Variants in AIM2 observed in about 807,000 individuals in gnomAD.
AIM2 encodes interferon-inducible protein AIM2.
Under a neutral mutation model 27.7 loss-of-function variants are expected in AIM2, and 30 were observed. The ratio of observed to expected loss-of-function variants is 1.08; its 90% CI spans 0.81 to 1.47. The LOEUF (loss-of-function observed/expected upper bound fraction) is 1.47, where lower values mean the gene tolerates loss of function less well. Among genes scored for constraint, AIM2 ranks in the 40% most tolerant of loss-of-function variants. AIM2 has a pLI of 0.00. For synonymous variants in AIM2, 141 were observed against 145.3 expected, an observed-to-expected ratio of 0.97 and a Z score of 0.21; for missense variants, 358 against 411.3, an observed-to-expected ratio of 0.87 and a Z score of 1.12.
intron 1 of AIM2, among the ~76,000 whole-genome samples, chr1:159,133,132 A>T (rs1054513196): frequency 1.3e-5 from 2 of 152,158 alleles, no homozygotes; most frequent in Non-Finnish European, 2.9e-5. Context: ...CCCCTATCAC[A>T]TTCCCAAAAA....
intron 1 of AIM2, among the ~76,000 whole-genome samples, chr1:159,076,242 C>T (rs1213578304): frequency 6.6e-6 from 1 of 152,158 alleles, no homozygotes; most frequent in African/African-American, 2.4e-5. Flanking sequence ...ATAACAATCA[C>T]ATTTTAATCA....
At chr1:159,145,680 A>C (rs1648188138) in intron 1 of AIM2, among the ~76,000 whole-genome samples, 1 of 152,194 alleles carries the variant, frequency 6.6e-6, no homozygotes, top group South Asian at 2.1e-4. Flanking sequence ...AGGGCTAGTC[A>C]AGGTCACAAG....
At chr1:159,102,004 C>T (rs923750983) in intron 1 of AIM2, among the ~76,000 whole-genome samples, 4 of 150,286 alleles carry the variant, frequency 2.7e-5, no homozygotes, top group African/African-American at 9.8e-5. Context: ...AAAATGTCTC[C>T]AGGGCATGTC....
chr1:159,075,870 T>C (rs765431075), intron 1 of AIM2, among the ~76,000 whole-genome samples: 4 of 152,134 alleles, frequency 2.6e-5, no homozygotes, highest in Admixed American at 2.0e-4. Context: ...AAATAACTGA[T>C]TGTGAATTTT....
At chr1:159,095,738 T>C (rs910847386) in intron 1 of AIM2, among the ~76,000 whole-genome samples, 3 of 152,220 alleles carry the variant, frequency 2.0e-5, no homozygotes, top group Non-Finnish European at 4.4e-5. Flanking sequence ...TAGAAGTATT[T>C]AACATTTTAG....
At chr1:159,117,361 C>T (rs967072115) in intron 1 of AIM2, among the ~76,000 whole-genome samples, 4 of 151,958 alleles carry the variant, frequency 2.6e-5, no homozygotes, top group African/African-American at 9.7e-5. Flanking sequence ...GTATAGTTAA[C>T]CTTAAGGAAG....
rs758640102 is a variant in AIM2, at chr1:159,068,587, T to G, written c.377A>C (p.Lys126Thr). ...NDVAKQRAAP[K>T]VSPHVKPEQK... is the part of the protein sequence containing the mutation. ...TCCTACCTTAACATGAGGAGAGACT[T>G]TTGGTGCAGCACGTTGCTTTGCGAC... The change falls in exon 3 of 6, where the codon AAA becomes ACA. Residue 126 changes from lysine to threonine, a missense_variant. By Grantham distance (78) the Lys-to-Thr change is moderately conservative (BLOSUM62 -1). Transcript: ENST00000368130. 2 of 1,612,802 alleles carry G rather than the reference T, an allele frequency of 1.2e-6. No homozygotes were observed. Among genetic ancestry groups the G allele is most frequent in the East Asian group, 4.5e-5 (2 of 44,808 alleles).
the AIM2 span, among the ~76,000 whole-genome samples, chr1:159,056,717 C>CAAAAAAAAAAAAAAAAA: frequency 2.3e-5 from 1 of 44,184 alleles, no homozygotes; most frequent in African/African-American, 7.9e-5. Context: ...GCCCAACCGG[C>CAAAAAAAAAAAAAAAAA]AAAAAAAAAA....
At chr1:159,115,507 C>T (rs986689366) in intron 1 of AIM2, among the ~76,000 whole-genome samples, 4 of 152,134 alleles carry the variant, frequency 2.6e-5, no homozygotes, top group South Asian at 2.1e-4. Context: ...TGGAACAGAA[C>T]ACAGCCCTCA....
chr1:159,138,583 C>T (rs1225939127), intron 1 of AIM2, among the ~76,000 whole-genome samples: 6 of 152,174 alleles, frequency 3.9e-5, no homozygotes, highest in African/African-American at 1.2e-4. Context: ...GTGGAATCTA[C>T]TATTTTGGTG....
At chr1:159,117,797 G>A (rs982727506) in intron 1 of AIM2, among the ~76,000 whole-genome samples, 2 of 151,842 alleles carry the variant, frequency 1.3e-5, no homozygotes, top group Non-Finnish European at 2.9e-5. Context: ...ACCTTTCCCC[G>A]TGCAGTGTCT....
intron 1 of AIM2, among the ~76,000 whole-genome samples, chr1:159,099,395 G>T (rs1657265566): frequency 6.6e-6 from 1 of 152,112 alleles, no homozygotes. Context: ...GAAACTAGAG[G>T]TGAAAGCAAT....
rs529757200 is a variant in AIM2 at position 159,106,516 on chromosome 1, T to A, written c.-16+33915A>T. 5.0e-4 allele frequency among the ~76,000 whole-genome samples: 76 copies of A among 152,210 alleles called. 1 individual carries two copies. In the South Asian group the frequency reaches 0.011, roughly 21 times the overall value. Reference sequence around the variant, plus strand: ...ACTGTGAAATGTGAGAAAGAAAAAATTTTTCTCTTTCTTCTGAAAGCCTTG... The same window carrying A: ...ACTGTGAAATGTGAGAAAGAAAAAAATTTTCTCTTTCTTCTGAAAGCCTTG... On this transcript the variant is annotated intron_variant, in intron 1 of 2. Coordinates refer to the AIM2 transcript ENST00000368129.
rs143524044 is a variant in AIM2 at position 159,113,669 on chromosome 1, C to T, written c.-16+26762G>A. Among the ~76,000 whole-genome samples the T allele has an allele frequency of 2.6e-3, 396 of 152,262 alleles. 5 individuals carry two copies. The highest frequency in any genetic ancestry group is 0.02 in the Middle Eastern group (6 of 294). On this transcript the variant is annotated intron_variant, in intron 1 of 2. Coordinates refer to the AIM2 transcript ENST00000368129. ...TTCCTCCTAATTTTCTGATTAGAAA[C>T]TTGTTCTTTGGGCTTTTTCTAGAAA...
downstream of AIM2, among the ~76,000 whole-genome samples, chr1:159,060,684 TAG>T (rs1201757650): frequency 6.6e-6 from 1 of 152,234 alleles, no homozygotes; most frequent in Non-Finnish European, 1.5e-5. Context: ...TTCTTTCACT[TAG>T]AGTAAAGATC....
intron 1 of AIM2, among the ~76,000 whole-genome samples, chr1:159,085,168 A>G (rs1335977559): frequency 6.6e-6 from 1 of 152,118 alleles, no homozygotes; most frequent in Admixed American, 6.5e-5. Flanking sequence ...TCTCATGTTG[A>G]TGACTTCTAA....
At chr1:159,081,129 T>C, upstream of AIM2, 1 of 232,344 alleles carries the variant, frequency 4.3e-6, no homozygotes. Context: ...TGAATCATCA[T>C]ACTCAAGACT....
downstream of AIM2, chr1:159,062,479 T>G (rs1188734559): frequency 3.4e-6 from 2 of 582,888 alleles, no homozygotes; most frequent in East Asian, 5.7e-5. Flanking sequence ...ATAGTGGGAC[T>G]GTAATGAATG....
chr1:159,055,863 A>G, the AIM2 span, among the ~76,000 whole-genome samples: 2 of 152,112 alleles, frequency 1.3e-5, no homozygotes, highest in South Asian at 4.1e-4. Flanking sequence ...CTCTTTACTC[A>G]CCCTATAATA....
Sources: allele counts gnomAD v4.1 joint callset (sites outside exome capture counted in the v4.1 genomes callset), GRCh38; gene constraint gnomAD v4.1.1; transcripts MANE v1.5; gene names NCBI Gene and HGNC (gene_info 2026-07-23, HGNC 2026-07-21).